GSTCD: variants seen among roughly 807,000 people sequenced by gnomAD.
GSTCD encodes the protein glutathione S-transferase C-terminal domain-containing protein.
In GSTCD, 44 loss-of-function variants were observed where a neutral mutation model predicts 68.3. The ratio of observed to expected loss-of-function variants is 0.64; its 90% CI spans 0.51 to 0.83. GSTCD has a LOEUF of 0.83. GSTCD is among the 40% of genes least tolerant of loss of function. The pLI is 0.00. For missense variants in GSTCD, 739 were observed against 735.9 expected (o/e 1.00, Z -0.05); for synonymous variants, 273 against 255.2 (o/e 1.07, Z -0.67).
At chr4:105,827,534 C>T (rs1723694533) in intron 8 of GSTCD, among the ~76,000 whole-genome samples, 2 of 152,112 alleles carry the variant, frequency 1.3e-5, no homozygotes, top group South Asian at 2.1e-4. Flanking sequence ...AGTAGATTCA[C>T]TCTGAAGAGA....
At chr4:105,728,594 C>T (rs1364723466) in intron 4 of GSTCD, among the ~76,000 whole-genome samples, 1 of 151,822 alleles carries the variant, frequency 6.6e-6, no homozygotes, top group Non-Finnish European at 1.5e-5. Flanking sequence ...ACAAAGCATT[C>T]GATGCTAGAG....
chr4:105,714,610 A>G (rs1396194976), intron 1 of GSTCD, among the ~76,000 whole-genome samples: 10 of 151,316 alleles, frequency 6.6e-5, no homozygotes, highest in Non-Finnish European at 5.9e-5. Context: ...TTAGTACATA[A>G]TAGGGAGACA....
intron 5 of GSTCD, among the ~76,000 whole-genome samples, chr4:105,732,234 T>C (rs1176062008): frequency 1.3e-5 from 2 of 152,228 alleles, no homozygotes; most frequent in Non-Finnish European, 2.9e-5. Context: ...TTCCCTCTTT[T>C]GCTATTGATT....
intron 5 of GSTCD, among the ~76,000 whole-genome samples, chr4:105,743,858 C>T (rs183708306): frequency 2.1e-4 from 32 of 151,990 alleles, no homozygotes; most frequent in Non-Finnish European, 3.2e-4. Flanking sequence ...GATGGGGTTT[C>T]ACCGTGCTAG....
At chr4:105,842,214 A>C (rs1578529711) in intron 11 of GSTCD, 80 bp downstream of exon 11, 1 of 1,083,840 alleles carries the variant, frequency 9.2e-7, no homozygotes, top group East Asian at 2.4e-5. Flanking sequence ...CTATATGGGA[A>C]AAATTTAGCA....
intron 5 of GSTCD, among the ~76,000 whole-genome samples, chr4:105,799,667 A>G (rs1736030897): frequency 6.6e-6 from 1 of 152,154 alleles, no homozygotes; most frequent in Non-Finnish European, 1.5e-5. Context: ...AATAGTAACA[A>G]CAAAGATCAC....
At chr4:105,788,376 G>A (rs940744989) in intron 5 of GSTCD, among the ~76,000 whole-genome samples, 8 of 151,988 alleles carry the variant, frequency 5.3e-5, no homozygotes, top group African/African-American at 9.7e-5. Flanking sequence ...GGCAAAGTTA[G>A]AGCTAAAGCC....
At chr4:105,818,861 T>C (rs1723138027) in intron 5 of GSTCD, among the ~76,000 whole-genome samples, 1 of 151,812 alleles carries the variant, frequency 6.6e-6, no homozygotes, top group Non-Finnish European at 1.5e-5. Flanking sequence ...CATTTTATTT[T>C]TTAATTAAAT....
chr4:105,830,304 G>A (rs1311107021), intron 8 of GSTCD, among the ~76,000 whole-genome samples: 1 of 152,096 alleles, frequency 6.6e-6, no homozygotes, highest in Non-Finnish European at 1.5e-5. Flanking sequence ...CTTCTTAATA[G>A]TAGTGTGGAA....
At chr4:105,747,682 C>G (rs1313970546) in intron 5 of GSTCD, among the ~76,000 whole-genome samples, 4 of 151,814 alleles carry the variant, frequency 2.6e-5, no homozygotes, top group African/African-American at 9.7e-5. Context: ...TATTTTAGAC[C>G]AGTTATACTG....
intron 5 of GSTCD, among the ~76,000 whole-genome samples, chr4:105,793,405 T>G (rs559447090): frequency 6.7e-6 from 1 of 148,330 alleles, no homozygotes; most frequent in African/African-American, 2.6e-5. Flanking sequence ...ATATCATGAT[T>G]ATGTTTTTTT....
intron 1 of GSTCD, among the ~76,000 whole-genome samples, chr4:105,713,029 A>G (rs1732584444): frequency 6.6e-6 from 1 of 152,168 alleles, no homozygotes; most frequent in African/African-American, 2.4e-5. Flanking sequence ...ATGAGTCAGG[A>G]AATCAATGTA....
intron 5 of GSTCD, among the ~76,000 whole-genome samples, chr4:105,791,264 G>A (rs992877416): frequency 6.6e-6 from 1 of 151,506 alleles, no homozygotes; most frequent in Non-Finnish European, 1.5e-5. Flanking sequence ...GTGGTGGTGG[G>A]CGCCTGTAGT....
chr4:105,720,949 G>A (rs1005326398), intron 3 of GSTCD, among the ~76,000 whole-genome samples: 16 of 151,364 alleles, frequency 1.1e-4, no homozygotes, highest in Admixed American at 6.6e-4. Context: ...ATTTTCCTTC[G>A]TTCCTTTGTA....
intron 5 of GSTCD, among the ~76,000 whole-genome samples, chr4:105,768,250 T>C (rs1012961083): frequency 6.6e-6 from 1 of 152,020 alleles, no homozygotes; most frequent in African/African-American, 2.4e-5. Flanking sequence ...CAGGATGGTC[T>C]CGATCTCCTG....
chr4:105,775,692 A>G (rs942876273), intron 5 of GSTCD, among the ~76,000 whole-genome samples: 12 of 152,188 alleles, frequency 7.9e-5, no homozygotes, highest in African/African-American at 2.9e-4. Flanking sequence ...CAGAACAGCA[A>G]AGATTGCTGC....
At chr4:105,737,102 T>C (rs1450630504) in intron 5 of GSTCD, among the ~76,000 whole-genome samples, 4 of 152,206 alleles carry the variant, frequency 2.6e-5, no homozygotes, top group Non-Finnish European at 5.9e-5. Context: ...TTTGGATATA[T>C]ATCCAGCAAG....
chr4:105,813,805 A>G (rs1055995332), intron 5 of GSTCD, among the ~76,000 whole-genome samples: 1 of 152,146 alleles, frequency 6.6e-6, no homozygotes, highest in Admixed American at 6.6e-5. Flanking sequence ...TACCTGCTCA[A>G]TGATGGCTTC....
intron 1 of GSTCD, among the ~76,000 whole-genome samples, chr4:105,716,232 TAGAA>T (rs1019478462): frequency 2.0e-5 from 3 of 151,970 alleles, no homozygotes; most frequent in Non-Finnish European, 2.9e-5. Context: ...TAGATGGAAA[TAGAA>T]AGGTTTTTTT....
Sources: gnomAD v4.1 joint callset for allele counts (sites outside exome capture counted in the v4.1 genomes callset) on GRCh38, gnomAD v4.1.1 for gene constraint, MANE v1.5 for transcripts, NCBI Gene and HGNC (gene_info 2026-07-23, HGNC 2026-07-21) for gene names.